GAB2: variants seen among roughly 807,000 people sequenced by gnomAD.
GAB2 encodes the protein GRB2 associated binding protein 2, also known as GRB2-associated-binding protein 2.
GAB2 carries 26 observed loss-of-function variants against 65.5 expected under a neutral mutation model. The observed-to-expected ratio is 0.40, with a 90% CI of 0.29 to 0.55. The LOEUF (loss-of-function observed/expected upper bound fraction) is 0.55, where lower values mean the gene tolerates loss of function less well. Ranked by LOEUF, GAB2 falls within the 20% of genes least tolerant of loss-of-function variation. The probability of loss-of-function intolerance (pLI) is 0.53; values close to 1 mark genes in which losing one functional copy is unlikely to be tolerated. For synonymous variants in GAB2, 321 were observed against 329.6 expected, an observed-to-expected ratio of 0.97 and a Z score of 0.28; for missense variants, 884 against 875.8, an observed-to-expected ratio of 1.01 and a Z score of -0.12.
At chr11:78,342,273 C>A (rs993689860) in intron 1 of GAB2, among the ~76,000 whole-genome samples, 5 of 152,176 alleles carry the variant, frequency 3.3e-5, no homozygotes, top group African/African-American at 4.8e-5. Context: ...TTATTCCCAG[C>A]CTTACTCTCT....
intron 1 of GAB2, among the ~76,000 whole-genome samples, chr11:78,343,079 C>T (rs1419627148): frequency 6.6e-6 from 1 of 151,968 alleles, no homozygotes. Context: ...ATTGAATAAC[C>T]CACTAAGAAT....
intron 1 of GAB2, among the ~76,000 whole-genome samples, chr11:78,287,986 T>C (rs575828022): frequency 1.3e-5 from 2 of 152,130 alleles, no homozygotes; most frequent in South Asian, 2.1e-4. Flanking sequence ...CTGGAAGTTC[T>C]TGTCAAGGTG....
chr11:78,314,599 C>T (rs144990333), intron 1 of GAB2, among the ~76,000 whole-genome samples: 156 of 152,324 alleles, frequency 1.0e-3, no homozygotes, highest in Non-Finnish European at 1.8e-3. Context: ...CTGAAGGTTA[C>T]AAGTATAACA....
intron 3 of GAB2, among the ~76,000 whole-genome samples, chr11:78,243,252 G>C (rs1211540108): frequency 6.6e-6 from 1 of 152,012 alleles, no homozygotes; most frequent in African/African-American, 2.4e-5. Flanking sequence ...TGGACTGCTT[G>C]AGGTCAGGAG....
At chr11:78,228,891 G>C (rs1360613166) in intron 3 of GAB2, among the ~76,000 whole-genome samples, 1 of 152,160 alleles carries the variant, frequency 6.6e-6, no homozygotes, top group African/African-American at 2.4e-5. Flanking sequence ...CATTTTTTTG[G>C]TGCCTTTCAT....
At chr11:78,227,131 T>C (rs754409029) in intron 3 of GAB2, 80 bp from the exon 4 acceptor site, 258 of 968,022 alleles carry the variant, frequency 2.7e-4, no homozygotes, top group Non-Finnish European at 3.7e-4. Flanking sequence ...ACTTTCTCTT[T>C]CTATACTTTG....
Position 78,417,742 on chromosome 11 carries a change from G to A in GAB2, c.-22C>T, listed in dbSNP as rs769065762. Reference sequence around the variant, plus strand: ...TCATGCTGCCGGCCTGGAGCCCCCCGCCGGGTCGCGCGGACGAGGGCGCGG... The same window carrying A: ...TCATGCTGCCGGCCTGGAGCCCCCCACCGGGTCGCGCGGACGAGGGCGCGG... On this transcript the variant is annotated 5_prime_UTR_variant, in exon 1 of 10. Coordinates refer to ENST00000361507, the MANE Select transcript of GAB2 (RefSeq NM_080491.3). 8.2e-6 allele frequency: 10 copies of A among 1,225,624 alleles called. No homozygotes were observed. The highest frequency in any genetic ancestry group is 4.0e-5 in the South Asian group (2 of 49,862). The allele number at this position is 1,225,624 out of a possible 1,614,324, so 75.9% of individuals were successfully genotyped here. A position where few individuals can be genotyped will look rare whatever the true frequency, so the allele number is the denominator to read the frequency against.
At chr11:78,312,517 G>A (rs980654125) in intron 1 of GAB2, among the ~76,000 whole-genome samples, 2 of 152,212 alleles carry the variant, frequency 1.3e-5, no homozygotes, top group African/African-American at 2.4e-5. Context: ...CCTCCACCTC[G>A]CTGTTTCAAG....
At chr11:78,243,125 G>A (rs887060825) in intron 3 of GAB2, among the ~76,000 whole-genome samples, 3 of 148,640 alleles carry the variant, frequency 2.0e-5, no homozygotes, top group Admixed American at 6.8e-5. Context: ...TCACACCACC[G>A]TACTCTCCAG....
At chr11:78,408,662 C>T (rs542024454) in intron 1 of GAB2, among the ~76,000 whole-genome samples, 3 of 152,244 alleles carry the variant, frequency 2.0e-5, no homozygotes, top group African/African-American at 7.2e-5. Flanking sequence ...AAATTGTCAT[C>T]CCCAAATATT....
At chr11:78,348,534 T>C (rs1469289891) in intron 1 of GAB2, among the ~76,000 whole-genome samples, 1 of 152,114 alleles carries the variant, frequency 6.6e-6, no homozygotes, top group Non-Finnish European at 1.5e-5. Flanking sequence ...CCACAATGAA[T>C]ACCATGACCT....
chr11:78,407,699 A>AAGAG (rs1348128675), intron 1 of GAB2, among the ~76,000 whole-genome samples: 17 of 120,460 alleles, frequency 1.4e-4, no homozygotes, highest in Admixed American at 1.3e-3. Flanking sequence ...GAAAGAAAGA[A>AAGAG]AGAGATGGCA....
chr11:78,305,722 G>C (rs934230246), intron 1 of GAB2, among the ~76,000 whole-genome samples: 1 of 152,156 alleles, frequency 6.6e-6, no homozygotes, highest in African/African-American at 2.4e-5. Flanking sequence ...TTGAAACATA[G>C]TTTTTAGATA....
In GAB2 at chr11:78,279,312, G is replaced by A. The variant is rs1406724125; in HGVS notation, c.376+1289C>T. ...TAAGAACTTCAAGATAGTAATAGTG[G>A]AGTGTTAAACGAAGTGCAAGACCTT... On this transcript the variant is annotated intron_variant, in intron 2 of 9. Transcript: ENST00000361507. Among the ~76,000 whole-genome samples the A allele has an allele frequency of 2.6e-5, 4 of 152,280 alleles. No individual in the cohort carries two copies. In the East Asian group the frequency reaches 7.7e-4, roughly 29 times the overall value.
intron 8 of GAB2, among the ~76,000 whole-genome samples, chr11:78,220,693 G>T (rs1864380650): frequency 6.6e-6 from 1 of 152,124 alleles, no homozygotes; most frequent in Non-Finnish European, 1.5e-5. Context: ...AAGTGACTTT[G>T]CCTGTGGCTG....
intron 1 of GAB2, among the ~76,000 whole-genome samples, chr11:78,363,159 G>C (rs79242779): frequency 1.3e-5 from 2 of 152,288 alleles, no homozygotes; most frequent in East Asian, 3.9e-4. Context: ...AAATTAATCA[G>C]AACGGAAAGA....
At chr11:78,345,398 C>G (rs1369655778) in intron 1 of GAB2, among the ~76,000 whole-genome samples, 2 of 152,094 alleles carry the variant, frequency 1.3e-5, no homozygotes, top group Non-Finnish European at 2.9e-5. Context: ...GAAAGGCAAT[C>G]CTGCGAAGGT....
intron 1 of GAB2, among the ~76,000 whole-genome samples, chr11:78,360,607 CAG>C (rs1856421625): frequency 2.0e-5 from 3 of 152,148 alleles, no homozygotes; most frequent in Non-Finnish European, 2.9e-5. Context: ...CCTGTAATCA[CAG>C]CACTTTGGGA....
chr11:78,269,076 G>A (rs987057845), intron 2 of GAB2, among the ~76,000 whole-genome samples: 1 of 151,638 alleles, frequency 6.6e-6, no homozygotes, highest in Non-Finnish European at 1.5e-5. Context: ...AGATCTGGCT[G>A]GAAACTGGTC....
Sources: gnomAD v4.1 joint callset for allele counts (sites outside exome capture counted in the v4.1 genomes callset) on GRCh38, gnomAD v4.1.1 for gene constraint, MANE v1.5 for transcripts, NCBI Gene and HGNC (gene_info 2026-07-23, HGNC 2026-07-21) for gene names.